The following CNTN5 variants were observed in gnomAD, a reference collection of about 807,000 sequenced individuals.
The protein encoded by CNTN5 is contactin-5.
CNTN5 carries 77 observed loss-of-function variants against 129.1 expected under a neutral mutation model. That is an observed-to-expected ratio of 0.60 (90% confidence interval 0.50 to 0.72). The LOEUF (loss-of-function observed/expected upper bound fraction) is 0.72. Among genes scored for constraint, CNTN5 ranks in the 30% least tolerant of loss-of-function variants. The pLI is 0.00. For synonymous variants in CNTN5, 509 were observed against 465.6 expected, an observed-to-expected ratio of 1.09 and a Z score of -1.20; for missense variants, 1,478 against 1,328.8, an observed-to-expected ratio of 1.11 and a Z score of -1.75.
intron 2 of CNTN5, among the ~76,000 whole-genome samples, chr11:99,392,189 T>C (rs977102935): frequency 6.6e-6 from 1 of 151,548 alleles, no homozygotes; most frequent in Non-Finnish European, 1.5e-5. Context: ...CCCATGGCAG[T>C]ATTTGTACTC....
At chr11:100,223,629 T>A (rs1480636330) in intron 15 of CNTN5, among the ~76,000 whole-genome samples, 1 of 152,190 alleles carries the variant, frequency 6.6e-6, no homozygotes, top group Non-Finnish European at 1.5e-5. Flanking sequence ...GATGCCTCTC[T>A]ATGACTTTCA....
At chr11:100,206,285 G>A (rs1387315577) in intron 15 of CNTN5, among the ~76,000 whole-genome samples, 2 of 151,954 alleles carry the variant, frequency 1.3e-5, no homozygotes. Flanking sequence ...TGAAATATGG[G>A]AGATACTGAA....
At chr11:99,806,182 C>A (rs1490456027) in intron 3 of CNTN5, among the ~76,000 whole-genome samples, 1 of 152,086 alleles carries the variant, frequency 6.6e-6, no homozygotes, top group Non-Finnish European at 1.5e-5. Flanking sequence ...GACTTTCTCC[C>A]TCCAATGACA....
At chr11:99,476,703 A>G (rs1278045470) in intron 2 of CNTN5, among the ~76,000 whole-genome samples, 6 of 152,160 alleles carry the variant, frequency 3.9e-5, no homozygotes, top group Non-Finnish European at 5.9e-5. Flanking sequence ...CACTGCTGCT[A>G]TAGCTCAAAT....
intron 18 of CNTN5, among the ~76,000 whole-genome samples, chr11:100,285,004 A>T (rs1256602781): frequency 2.0e-5 from 3 of 152,206 alleles, no homozygotes; most frequent in Non-Finnish European, 4.4e-5. Context: ...TCTCACTCAT[A>T]AAATGGGGAT....
chr11:99,484,740 C>A (rs1945743127), intron 2 of CNTN5, among the ~76,000 whole-genome samples: 1 of 151,840 alleles, frequency 6.6e-6, no homozygotes, highest in South Asian at 2.1e-4. Flanking sequence ...TTCTCTGTTA[C>A]ACGAATGGAA....
At chr11:99,583,633 G>C (rs1003565213) in intron 3 of CNTN5, among the ~76,000 whole-genome samples, 13 of 152,222 alleles carry the variant, frequency 8.5e-5, no homozygotes, top group African/African-American at 3.1e-4. Context: ...CCATGCGCGG[G>C]ATATAATCTC....
intron 2 of CNTN5, among the ~76,000 whole-genome samples, chr11:99,377,632 C>T (rs979964581): frequency 6.6e-6 from 1 of 152,066 alleles, no homozygotes; most frequent in African/African-American, 2.4e-5. Context: ...GTAACTTCAT[C>T]GCTACTCTCA....
chr11:99,630,862 G>C (rs1024857754), intron 3 of CNTN5, among the ~76,000 whole-genome samples: 8 of 152,048 alleles, frequency 5.3e-5, no homozygotes, highest in African/African-American at 1.9e-4. Flanking sequence ...CTATTTTGGA[G>C]ATAAATTAGC....
chr11:99,821,125 C>G (rs1453463600), intron 4 of CNTN5, among the ~76,000 whole-genome samples: 3 of 152,060 alleles, frequency 2.0e-5, no homozygotes, highest in Non-Finnish European at 4.4e-5. Context: ...GCATTATTAT[C>G]TTGTGGAGTG....
Position 100,071,762 on chromosome 11 carries a change from G to A in CNTN5, c.1357G>A (p.Ala453Thr). The A allele has an allele frequency of 1.2e-6, 2 of 1,603,576 alleles. No homozygotes were observed. Among genetic ancestry groups the A allele is most frequent in the Non-Finnish European group, 1.7e-6 (2 of 1,174,182 alleles). Residue 453 changes from alanine to threonine, a missense_variant, in exon 12 of 25, where the codon GCT becomes ACT. Ala to Thr is a moderately conservative substitution (Grantham distance 58). Transcript: ENST00000524871. ...GATCCACAATGTGAATCAATCAGAT[G>A]CTGGAATGTATCAGTGTTTGGCTGA... ...LMIHNVNQSD[A>T]GMYQCLAENK...
chr11:100,291,865 G>C (rs1189406765), intron 18 of CNTN5, among the ~76,000 whole-genome samples: 13 of 150,146 alleles, frequency 8.7e-5, no homozygotes, highest in African/African-American at 2.4e-5. Context: ...CCAATAAATA[G>C]CTGTAGAGGT....
intron 13 of CNTN5, among the ~76,000 whole-genome samples, chr11:100,131,078 T>C (rs967055741): frequency 1.3e-5 from 2 of 152,054 alleles, no homozygotes; most frequent in South Asian, 4.1e-4. Flanking sequence ...TTTTATTATA[T>C]CCTCGTGGCA....
intron 9 of CNTN5, among the ~76,000 whole-genome samples, chr11:100,045,209 A>C (rs1460267995): frequency 6.6e-6 from 1 of 152,170 alleles, no homozygotes; most frequent in African/African-American, 2.4e-5. Flanking sequence ...CCAAGTAAAT[A>C]AAGTAGCTTA....
chr11:99,981,105 C>T (rs28445063), intron 8 of CNTN5, among the ~76,000 whole-genome samples: 29,245 of 57,030 alleles, frequency 0.51, 5,724 homozygotes, highest in African/African-American at 0.55. Context: ...TATATATATA[C>T]ACACACACAC....
At chr11:99,407,623 C>A (rs1390263634) in intron 2 of CNTN5, among the ~76,000 whole-genome samples, 1 of 152,138 alleles carries the variant, frequency 6.6e-6, no homozygotes. Context: ...TCCAGTTCAG[C>A]ACTAGGACTC....
chr11:100,148,235 C>A (rs1591315340), intron 13 of CNTN5, among the ~76,000 whole-genome samples: 1 of 152,094 alleles, frequency 6.6e-6, no homozygotes. Context: ...CCAAGCTTGT[C>A]CCATAGTTGT....
At chr11:99,383,246 A>G (rs1441862124) in intron 2 of CNTN5, among the ~76,000 whole-genome samples, 1 of 152,146 alleles carries the variant, frequency 6.6e-6, no homozygotes, top group East Asian at 1.9e-4. Flanking sequence ...TGAATATTTA[A>G]AGCTCTCAAA....
chr11:99,790,119 G>A (rs1399679718), intron 3 of CNTN5, among the ~76,000 whole-genome samples: 1 of 151,720 alleles, frequency 6.6e-6, no homozygotes, highest in African/African-American at 2.4e-5. Context: ...TGAAAGACAT[G>A]ATTTCATTAT....
Sources: allele counts gnomAD v4.1 joint callset (sites outside exome capture counted in the v4.1 genomes callset), GRCh38; gene constraint gnomAD v4.1.1; transcripts MANE v1.5; gene names NCBI Gene and HGNC (gene_info 2026-07-23, HGNC 2026-07-21).